TRPS1: variants seen among roughly 807,000 people sequenced by gnomAD.
TRPS1 encodes the protein transcriptional repressor GATA binding 1.
A neutral mutation model predicts 101.2 loss-of-function variants in TRPS1; 6 were observed. The observed-to-expected ratio is 0.06, with a 90% confidence interval of 0.03 to 0.12. The LOEUF is 0.12. Among genes scored for constraint, TRPS1 ranks in the 10% least tolerant of loss-of-function variants. TRPS1 has a pLI of 1.00. For synonymous variants in TRPS1, 578 were observed against 589.8 expected (o/e 0.98, Z 0.29); for missense variants, 1,363 against 1,567.0 (o/e 0.87, Z 2.20).
chr8:115,504,082 T>C (rs1054024329), intron 5 of TRPS1, among the ~76,000 whole-genome samples: 4 of 152,226 alleles, frequency 2.6e-5, no homozygotes. Context: ...ATTCTTGTTT[T>C]ATTCCCTAAA....
intron 1 of TRPS1, among the ~76,000 whole-genome samples, chr8:115,648,842 C>CT (rs565697259): frequency 2.2e-4 from 32 of 147,728 alleles, no homozygotes; most frequent in Non-Finnish European, 2.0e-4. Context: ...ACCACGCTTT[C>CT]TTTTTTTTTT....
intron 5 of TRPS1, among the ~76,000 whole-genome samples, chr8:115,452,482 CTT>C (rs1342852743): frequency 6.6e-6 from 1 of 152,078 alleles, no homozygotes; most frequent in East Asian, 1.9e-4. Flanking sequence ...GGGGGGGTCT[CTT>C]GTTTGAAAGA....
chr8:115,529,707 T>C (rs1816084951), intron 5 of TRPS1, among the ~76,000 whole-genome samples: 2 of 152,128 alleles, frequency 1.3e-5, no homozygotes, highest in Non-Finnish European at 2.9e-5. Flanking sequence ...TTACAGAAAG[T>C]GTCCAGTGTA....
rs138416324 is a variant in TRPS1, at chr8:115,596,469, GCAAA to G, written c.2096+7400_2096+7403del. On this transcript the variant is annotated intron_variant, in intron 4 of 6. Coordinates refer to ENST00000395715, the MANE Select transcript of TRPS1 (RefSeq NM_014112.5). ...CACATATTCATTTACATCTAAGTTC[GCAAA>G]CAAATTAAAAACTGAAGCGATTACA... Among the ~76,000 whole-genome samples the G allele has an allele frequency of 2.0e-3, 310 of 151,730 alleles. 1 individual carries two copies. Among genetic ancestry groups the G allele is most frequent in the African/African-American group, 6.6e-3 (275 of 41,464 alleles).
At chr8:115,497,662 G>A (rs1222748151) in intron 5 of TRPS1, among the ~76,000 whole-genome samples, 1 of 152,190 alleles carries the variant, frequency 6.6e-6, no homozygotes, top group Non-Finnish European at 1.5e-5. Context: ...ACATCCTTGT[G>A]ATCTGAGTAG....
chr8:115,523,749 T>C (rs1413832970), intron 5 of TRPS1, among the ~76,000 whole-genome samples: 2 of 152,132 alleles, frequency 1.3e-5, no homozygotes, highest in African/African-American at 2.4e-5. Flanking sequence ...CGTTGATACA[T>C]GGATGAGTCT....
At chr8:115,557,448 CAT>C (rs1816848243) in intron 5 of TRPS1, among the ~76,000 whole-genome samples, 1 of 152,082 alleles carries the variant, frequency 6.6e-6, no homozygotes, top group South Asian at 2.1e-4. Context: ...ATAATCCCCA[CAT>C]GTCATGGAAG....
chr8:115,549,897 C>G (rs868215820), intron 5 of TRPS1, among the ~76,000 whole-genome samples: 12 of 152,214 alleles, frequency 7.9e-5, no homozygotes, highest in Middle Eastern at 3.4e-3. Context: ...TCTCCTTGCT[C>G]TATTAAAGAA....
At position 115,505,240 on chromosome 8, in the gene TRPS1, T is replaced by A. The variant is rs150068984; in HGVS notation, c.2700+81761A>T. On this transcript the variant is annotated intron_variant, in intron 5 of 6. Transcript: ENST00000395715. Reference sequence around the variant, plus strand: ...GAAATATAAAGCTGTCTACACCATGTTTGAAATATAACAAAATCCATGGTT... The same window carrying A: ...GAAATATAAAGCTGTCTACACCATGATTGAAATATAACAAAATCCATGGTT... 9.1e-4 allele frequency among the ~76,000 whole-genome samples: 138 copies of A among 152,216 alleles called. 1 individual carries two copies. Among genetic ancestry groups the A allele is most frequent in the African/African-American group, 2.9e-3 (122 of 41,560 alleles).
chr8:115,469,222 A>T (rs1394446336), intron 5 of TRPS1, among the ~76,000 whole-genome samples: 1 of 152,214 alleles, frequency 6.6e-6, no homozygotes, highest in South Asian at 2.1e-4. Context: ...AAACAGTGTG[A>T]AGTGGCCTAA....
chr8:115,490,056 T>C (rs970743897), intron 5 of TRPS1, among the ~76,000 whole-genome samples: 2 of 152,164 alleles, frequency 1.3e-5, no homozygotes, highest in Non-Finnish European at 2.9e-5. Context: ...GATGGTTATC[T>C]CTACATTTTA....
rs1215430276 is a variant in TRPS1, at chr8:115,412,442, T to C, written c.*1581A>G. 1.3e-5 allele frequency: 2 copies of C among 152,578 alleles called. No homozygotes were observed. Among genetic ancestry groups the C allele is most frequent in the African/African-American group, 2.4e-5 (1 of 41,460 alleles). 9.5% of individuals were successfully genotyped at this position (152,578 alleles called of 1,614,324 possible). On this transcript the variant is annotated 3_prime_UTR_variant, in exon 7 of 7. Coordinates refer to ENST00000395715, the MANE Select transcript of TRPS1 (RefSeq NM_014112.5). ...AGCCAGAACTGACTCTAATGCATGA[T>C]GGAATATCTTTGTTGCATACGTACA...
chr8:115,523,304 G>GA (rs1020514860), intron 5 of TRPS1, among the ~76,000 whole-genome samples: 63 of 152,184 alleles, frequency 4.1e-4, no homozygotes, highest in African/African-American at 1.5e-3. Flanking sequence ...GAGGGATCCA[G>GA]AAAAAATAGT....
At chr8:115,601,626 A>T (rs972914378) in intron 4 of TRPS1, among the ~76,000 whole-genome samples, 1 of 152,222 alleles carries the variant, frequency 6.6e-6, no homozygotes, top group African/African-American at 2.4e-5. Context: ...CCCTATGGAC[A>T]AGTGCTATTT....
At chr8:115,592,155 A>G (rs1465197292) in intron 4 of TRPS1, among the ~76,000 whole-genome samples, 1 of 152,216 alleles carries the variant, frequency 6.6e-6, no homozygotes, top group Non-Finnish European at 1.5e-5. Flanking sequence ...TTGCAACCCA[A>G]AGAGTTTCTT....
chr8:115,618,987 T>C (rs1284687042), intron 3 of TRPS1, 145 bp downstream of exon 3: 4 of 764,106 alleles, frequency 5.2e-6, no homozygotes, highest in African/African-American at 3.5e-5. Flanking sequence ...TTGTATGAAG[T>C]AGCTATGGAG....
At chr8:115,499,947 C>T (rs1222852195) in intron 5 of TRPS1, among the ~76,000 whole-genome samples, 1 of 66,890 alleles carries the variant, frequency 1.5e-5, no homozygotes, top group Non-Finnish European at 2.9e-5. Context: ...TTCTTTCTTT[C>T]TTTCTTTCTT....
chr8:115,534,457 C>T (rs539203550), intron 5 of TRPS1, among the ~76,000 whole-genome samples: 48 of 152,224 alleles, frequency 3.2e-4, no homozygotes, highest in African/African-American at 1.1e-3. Flanking sequence ...AAGCTCTAAC[C>T]CCGATACCAT....
chr8:115,633,763 A>C (rs1282279570), intron 1 of TRPS1, among the ~76,000 whole-genome samples: 1 of 152,200 alleles, frequency 6.6e-6, no homozygotes, highest in Non-Finnish European at 1.5e-5. Flanking sequence ...TGCTGTGTTT[A>C]CATGAAGTGT....
Sources: gnomAD v4.1 joint callset for allele counts (sites outside exome capture counted in the v4.1 genomes callset) on GRCh38, gnomAD v4.1.1 for gene constraint, MANE v1.5 for transcripts, NCBI Gene and HGNC (gene_info 2026-07-23, HGNC 2026-07-21) for gene names.